The following QSOX1 variants were observed in gnomAD, a reference collection of about 807,000 sequenced individuals.
QSOX1 encodes the protein sulfhydryl oxidase 1.
In QSOX1, 40 loss-of-function variants were observed where a neutral mutation model predicts 76.1. The ratio of observed to expected loss-of-function variants is 0.53; its 90% CI spans 0.41 to 0.68. QSOX1 has a LOEUF of 0.68. Among genes scored for constraint, QSOX1 ranks in the 30% least tolerant of loss-of-function variants. The pLI is 0.00. For synonymous variants in QSOX1, 392 were observed against 413.1 expected (o/e 0.95, Z 0.62); for missense variants, 931 against 974.3 (o/e 0.96, Z 0.59).
intron 10 of QSOX1, among the ~76,000 whole-genome samples, chr1:180,193,453 C>T (rs917927622): frequency 2.6e-5 from 4 of 151,722 alleles, no homozygotes; most frequent in Admixed American, 2.0e-4. Flanking sequence ...AGGGTGCCAA[C>T]GTCCTGCTGC....
chr1:180,180,024 A>G (rs1208863324), intron 5 of QSOX1, among the ~76,000 whole-genome samples: 1 of 152,188 alleles, frequency 6.6e-6, no homozygotes, highest in African/African-American at 2.4e-5. Context: ...GTTGGAGCCA[A>G]GTGCCCCATG....
At chr1:180,189,383 CTTAG>C (rs1182497067) in intron 8 of QSOX1, among the ~76,000 whole-genome samples, 165 bp from the exon 9 acceptor site, 2 of 152,166 alleles carry the variant, frequency 1.3e-5, no homozygotes, top group Admixed American at 6.5e-5. Context: ...ATATTTGTGT[CTTAG>C]TTAGAATGTT....
At chr1:180,177,069 G>A (rs1572045811) in intron 4 of QSOX1, among the ~76,000 whole-genome samples, 1 of 152,238 alleles carries the variant, frequency 6.6e-6, no homozygotes, top group African/African-American at 2.4e-5. Flanking sequence ...GCCAGACCCT[G>A]TCTCTCCAGA....
rs902569201 is a variant in QSOX1, at chr1:180,190,554, A to C, written c.1262A>C (p.Gln421Pro). Residue 421 changes from glutamine (Q) to proline (P), a missense_variant, in exon 10 of 12, where the codon CAA becomes CCA. Coordinates refer to ENST00000367602, the MANE Select transcript of QSOX1 (RefSeq NM_002826.5). ...TTCTTGACTGTGCAGGCAGCTCGGCAAAATGTAGACCACTCACAGGAAGCA... is the reference window on the plus strand; with the variant it reads ...TTCTTGACTGTGCAGGCAGCTCGGCCAAATGTAGACCACTCACAGGAAGCA... ...FHFLTVQAARQNVDHSQEAAK... is the reference protein window; with the variant it reads ...FHFLTVQAARPNVDHSQEAAK... 4.3e-6 allele frequency: 7 copies of C among 1,614,044 alleles called. No individual in the cohort carries two copies. The highest frequency in any genetic ancestry group is 1.3e-5 in the African/African-American group (1 of 74,930).
chr1:180,181,850 A>G (rs559815089), intron 5 of QSOX1, among the ~76,000 whole-genome samples: 1 of 152,300 alleles, frequency 6.6e-6, no homozygotes, highest in East Asian at 1.9e-4. Context: ...ATGAAACCAC[A>G]TTTTATTGTG....
At chr1:180,175,893 T>A (rs1302678048) in intron 3 of QSOX1, 38 bp from the exon 4 acceptor site, 1 of 1,510,716 alleles carries the variant, frequency 6.6e-7, no homozygotes, top group Non-Finnish European at 9.0e-7. Flanking sequence ...GCAGCTCTGC[T>A]CTCCTGACAC....
chr1:180,163,003 C>A (rs1048723991), intron 1 of QSOX1, among the ~76,000 whole-genome samples: 5 of 152,080 alleles, frequency 3.3e-5, no homozygotes, highest in Admixed American at 1.3e-4. Flanking sequence ...AGGAGAATTA[C>A]CTAAAAGGTA....
intron 6 of QSOX1, 51 bp from the exon 7 acceptor site, chr1:180,183,865 T>C (rs749049683): frequency 1.3e-6 from 2 of 1,561,402 alleles, no homozygotes; most frequent in Admixed American, 1.8e-5. Context: ...TTAGCTCTAA[T>C]CTTGTTCTCT....
intron 8 of QSOX1, 89 bp from the exon 9 acceptor site, chr1:180,189,463 T>G (rs896836058): frequency 7.1e-5 from 14 of 197,116 alleles, no homozygotes; most frequent in African/African-American, 4.8e-4. Context: ...GCCCCCCGCC[T>G]TCTTCTGCAT....
intron 1 of QSOX1, among the ~76,000 whole-genome samples, chr1:180,159,450 A>C (rs1456264599): frequency 3.3e-5 from 5 of 152,230 alleles, no homozygotes; most frequent in Non-Finnish European, 4.4e-5. Context: ...GTCAAAAGAC[A>C]AAATTACACC....
intron 5 of QSOX1, among the ~76,000 whole-genome samples, chr1:180,181,820 A>G (rs1241088838): frequency 2.6e-5 from 4 of 152,210 alleles, no homozygotes; most frequent in Non-Finnish European, 5.9e-5. Flanking sequence ...GCTCAGTGCA[A>G]AAAACAAACG....
At position 180,166,533 on chromosome 1, in the gene QSOX1, A is replaced by G; in HGVS notation, c.308A>G (p.Glu103Gly). The G allele has an allele frequency of 6.2e-7, 1 of 1,614,070 alleles. No individual in the cohort carries two copies. The highest frequency in any genetic ancestry group is 8.5e-7 in the Non-Finnish European group (1 of 1,179,996). ...TATCTCGCCGCCCTGGACTGTGCTG[A>G]GGAGACCAACAGTGCAGTCTGCAGA... ...ALYLAALDCA[E>G]ETNSAVCRDF... is the part of the protein sequence containing the mutation. The change falls in exon 2 of 12, where the codon GAG becomes GGG. Residue 103 changes from glutamate to glycine, a missense_variant. Coordinates refer to ENST00000367602, the MANE Select transcript of QSOX1 (RefSeq NM_002826.5).
Position 180,154,946 on chromosome 1 carries a change from G to T in QSOX1, c.39G>T (p.Ser13=). The T allele has an allele frequency of 1.4e-6, 2 of 1,427,744 alleles. No homozygotes were observed. Among genetic ancestry groups the T allele is most frequent in the South Asian group, 2.8e-5 (2 of 71,994 alleles). The allele number at this position is 1,427,744 out of a possible 1,614,324, so 88.4% of individuals were successfully genotyped here. ...RCNSGSGPPP[S]LLLLLLWLLA... is the part of the protein sequence containing the mutation. ...ACAGCGGCTCCGGGCCGCCGCCGTCGCTGCTGCTGCTGCTGCTGTGGCTGC... is the reference window on the plus strand; with the variant it reads ...ACAGCGGCTCCGGGCCGCCGCCGTCTCTGCTGCTGCTGCTGCTGTGGCTGC... The change falls in exon 1 of 12, where the codon TCG becomes TCT. Residue 13 remains serine (S), a synonymous_variant. Coordinates refer to ENST00000367602, the MANE Select transcript of QSOX1 (RefSeq NM_002826.5).
chr1:180,155,666 C>A (rs1662360901), intron 1 of QSOX1, among the ~76,000 whole-genome samples: 1 of 152,206 alleles, frequency 6.6e-6, no homozygotes, highest in South Asian at 2.1e-4. Context: ...CCACCTTTCT[C>A]CACTCCCTCG....
intron 1 of QSOX1, among the ~76,000 whole-genome samples, chr1:180,155,402 C>T (rs561829342): frequency 3.9e-5 from 6 of 152,294 alleles, no homozygotes. Context: ...TTTCCCTCTC[C>T]GCGGCCTGGG....
chr1:180,190,364 A>G (rs1302050724), intron 9 of QSOX1, 69 bp from the exon 10 acceptor site: 14 of 1,520,110 alleles, frequency 9.2e-6, no homozygotes, highest in Non-Finnish European at 1.3e-5. Context: ...GTCTCCTAGA[A>G]GCTTCTGTCT....
intron 1 of QSOX1, among the ~76,000 whole-genome samples, chr1:180,160,655 A>G (rs906045782): frequency 6.6e-6 from 1 of 152,208 alleles, no homozygotes; most frequent in Non-Finnish European, 1.5e-5. Context: ...AATCAAGGAT[A>G]AAGTGGAAGT....
chr1:180,179,433 A>G lies in QSOX1; in HGVS notation c.606+549A>G, dbSNP rs187805660. ...CCAGCTCCCCAGCGCTTCCAGCTGC[A>G]GTGCCCTGTCTAGAAAGCAGGGATG... On this transcript the variant is annotated intron_variant, in intron 5 of 11. Coordinates refer to ENST00000367602, the MANE Select transcript of QSOX1 (RefSeq NM_002826.5). Among the ~76,000 whole-genome samples the G allele has an allele frequency of 4.4e-3, 676 of 152,392 alleles. 8 individuals are homozygous for G. Among genetic ancestry groups the G allele is most frequent in the African/African-American group, 0.015 (635 of 41,594 alleles).
At chr1:180,163,851 G>C (rs3911337) in intron 1 of QSOX1, among the ~76,000 whole-genome samples, 150,940 of 152,280 alleles carry the variant, frequency 0.99, 74,821 homozygotes, top group East Asian at 1. Flanking sequence ...GCTAGAGAGG[G>C]CAGTGAGGGG....
Sources: allele counts gnomAD v4.1 joint callset (sites outside exome capture counted in the v4.1 genomes callset), GRCh38; gene constraint gnomAD v4.1.1; transcripts MANE v1.5; gene names NCBI Gene and HGNC (gene_info 2026-07-23, HGNC 2026-07-21).